ZNF236: variants seen among roughly 807,000 people sequenced by gnomAD.
The protein encoded by ZNF236 is zinc finger protein 236, also known as regulated by glucose.
A neutral mutation model predicts 191.2 loss-of-function variants in ZNF236; 50 were observed. The observed-to-expected ratio is 0.26, with a 90% CI of 0.21 to 0.33. The LOEUF is 0.33. Ranked by LOEUF, ZNF236 falls within the 10% of genes least tolerant of loss-of-function variation. The probability of loss-of-function intolerance (pLI) is 1.00; values close to 1 mark genes in which losing one functional copy is unlikely to be tolerated. For synonymous variants in ZNF236, 907 were observed against 928.8 expected (o/e 0.98, Z 0.43); for missense variants, 1,754 against 2,374.5 (o/e 0.74, Z 5.43).
At chr18:76,860,789 G>C (rs1976196961) in intron 3 of ZNF236, among the ~76,000 whole-genome samples, 1 of 152,188 alleles carries the variant, frequency 6.6e-6, no homozygotes, top group Admixed American at 6.5e-5. Flanking sequence ...TGAGAAATAT[G>C]TGTTTTCTGA....
intron 14 of ZNF236, 79 bp downstream of exon 14, chr18:76,908,652 T>C: frequency 1.3e-6 from 2 of 1,517,078 alleles, no homozygotes; most frequent in Non-Finnish European, 1.8e-6. Context: ...AGTCCATTGG[T>C]GTCTCCCATC....
At chr18:76,898,938 A>G in intron 10 of ZNF236, 81 bp from the exon 11 acceptor site, 1 of 1,207,096 alleles carries the variant, frequency 8.3e-7, no homozygotes, top group Non-Finnish European at 1.2e-6. Context: ...AGTATTGGAA[A>G]TAATAACATT....
intron 1 of ZNF236, chr18:76,834,711 G>A (rs73485085): frequency 0.021 from 9,261 of 442,920 alleles, 561 homozygotes; most frequent in African/African-American, 0.14. Flanking sequence ...CCTTTATAGT[G>A]TCCTCATACA....
chr18:76,937,241 G>A lies in ZNF236; in HGVS notation c.4680G>A (p.Ser1560=), dbSNP rs769778390. The part of the protein sequence containing the change: ...AISTQNLVMS[S]SGVGGDASVT... ...CGACTCAGAACCTGGTCATGTCCTC[G>A]TCGGGCGTGGGAGGTGACGCTAGTG... Residue 1560 remains serine (S), a synonymous_variant, in exon 26 of 31, where the codon TCG becomes TCA. Coordinates refer to ENST00000320610, the MANE Select transcript of ZNF236 (RefSeq NM_001306089.2). The A allele has an allele frequency of 5.0e-6, 8 of 1,614,002 alleles. No homozygotes were observed. Among genetic ancestry groups the A allele is most frequent in the South Asian group, 3.3e-5 (3 of 91,090 alleles).
chr18:76,957,758 CAT>C (rs1204095390), intron 28 of ZNF236, among the ~76,000 whole-genome samples: 1 of 152,138 alleles, frequency 6.6e-6, no homozygotes, highest in Admixed American at 6.5e-5. Context: ...TCAGTGAGAA[CAT>C]GTGGTATTTG....
chr18:76,838,385 C>T (rs1975393664), intron 1 of ZNF236, among the ~76,000 whole-genome samples: 1 of 152,208 alleles, frequency 6.6e-6, no homozygotes, highest in South Asian at 2.1e-4. Flanking sequence ...ATGCCTTTAT[C>T]TCTCAGAGAC....
chr18:76,954,835 G>A (rs904036193), intron 27 of ZNF236, among the ~76,000 whole-genome samples: 3 of 152,190 alleles, frequency 2.0e-5, no homozygotes, highest in African/African-American at 7.2e-5. Context: ...ATCTCACGAG[G>A]CTGCAATGTC....
intron 26 of ZNF236, among the ~76,000 whole-genome samples, chr18:76,943,143 GAA>G (rs998663991): frequency 1.8e-4 from 20 of 110,248 alleles, no homozygotes; most frequent in East Asian, 5.2e-4. Context: ...AAAAAAAAAA[GAA>G]GAGCAAATTT....
chr18:76,960,625 A>G lies in ZNF236; in HGVS notation c.5243-54A>G. The stretch of plus-strand genomic sequence containing the variant: ...TTGTTCATACCTCAGGGTAGAGCCC[A>G]GGCATCCACTATACTTTTCTTAGAG... On this transcript the variant is annotated intron_variant, in intron 29 of 30. Coordinates refer to ENST00000320610, the MANE Select transcript of ZNF236 (RefSeq NM_001306089.2). This position sits in a 1 kb window ranked among gnomAD's most constrained non-coding sequence, Gnocchi z 4.4. 6.2e-7 allele frequency: 1 copy of G among 1,601,466 alleles called. No individual in the cohort carries two copies. Among genetic ancestry groups the G allele is most frequent in the Non-Finnish European group, 8.6e-7 (1 of 1,169,292 alleles).
chr18:76,925,133 G>A lies in ZNF236; in HGVS notation c.3662-56G>A. The A allele has an allele frequency of 6.3e-7, 1 of 1,577,396 alleles. No homozygotes were observed. The highest frequency in any genetic ancestry group is 8.6e-7 in the Non-Finnish European group (1 of 1,161,088). Reference sequence around the variant, plus strand: ...CCATAGTGACAGCTGAGTGGGGTGGGGGTGAGTGTCGCGACTGCCATCGCC... The same window carrying A: ...CCATAGTGACAGCTGAGTGGGGTGGAGGTGAGTGTCGCGACTGCCATCGCC... On this transcript the variant is annotated intron_variant, in intron 21 of 30. Transcript: ENST00000320610. The surrounding 1 kb of genome is among the most constrained non-coding windows in gnomAD (Gnocchi z 5.7).
chr18:76,847,633 T>C (rs1568193155), intron 1 of ZNF236, among the ~76,000 whole-genome samples: 1 of 151,980 alleles, frequency 6.6e-6, no homozygotes, highest in Non-Finnish European at 1.5e-5. Flanking sequence ...GCCCGGCTGA[T>C]TTTTTCTGTG....
intron 1 of ZNF236, among the ~76,000 whole-genome samples, chr18:76,822,959 G>T (rs1974902441): frequency 6.8e-6 from 1 of 147,372 alleles, no homozygotes; most frequent in Admixed American, 6.7e-5. Flanking sequence ...TCCTGCGCGC[G>T]CCCTGCCCCC....
intron 6 of ZNF236, among the ~76,000 whole-genome samples, chr18:76,877,315 C>T (rs187893310): frequency 1.3e-5 from 2 of 152,082 alleles, no homozygotes; most frequent in East Asian, 3.9e-4. Context: ...TCGAGACCAG[C>T]CTGGCCAACA....
At chr18:76,826,887 A>G (rs1431389824) in intron 1 of ZNF236, among the ~76,000 whole-genome samples, 1 of 150,862 alleles carries the variant, frequency 6.6e-6, no homozygotes, top group Non-Finnish European at 1.5e-5. Context: ...TTCAACAACT[A>G]TTTTTTTGTT....
chr18:76,845,237 T>C (rs1016977716), intron 1 of ZNF236, among the ~76,000 whole-genome samples: 2 of 152,200 alleles, frequency 1.3e-5, no homozygotes, highest in African/African-American at 2.4e-5. Context: ...GGGTGAATAA[T>C]TAAAGCAAAC....
intron 12 of ZNF236, 29 bp downstream of exon 12, chr18:76,904,550 T>C: frequency 1.3e-6 from 2 of 1,553,524 alleles, no homozygotes; most frequent in Non-Finnish European, 1.7e-6. Flanking sequence ...AGATGGAAAT[T>C]TAGTATAATT....
At chr18:76,892,590 G>A (rs533696992) in intron 9 of ZNF236, among the ~76,000 whole-genome samples, 5 of 152,008 alleles carry the variant, frequency 3.3e-5, no homozygotes, top group East Asian at 3.9e-4. Flanking sequence ...TTATTGAGAT[G>A]GAATTTCGCT....
chr18:76,838,698 A>C (rs1975402852), intron 1 of ZNF236, among the ~76,000 whole-genome samples: 1 of 152,250 alleles, frequency 6.6e-6, no homozygotes, highest in Non-Finnish European at 1.5e-5. Flanking sequence ...AGAGAAAAGA[A>C]AGTTATGTAT....
rs1163122341 is a variant in ZNF236, at chr18:76,960,672, T to C, written c.5243-7T>C. 3.7e-6 allele frequency: 6 copies of C among 1,614,104 alleles called. No homozygotes were observed. Among genetic ancestry groups the C allele is most frequent in the Non-Finnish European group, 5.1e-6 (6 of 1,180,050 alleles). ...AGAGACATTGACATATGCCATTTTC[T>C]GTACAGGGGAGCGGCCGTTCCATTG... is the stretch of plus-strand genomic sequence containing the variant. On this transcript the variant is annotated splice_region_variant and splice_polypyrimidine_tract_variant and intron_variant, in intron 29 of 30. Transcript: ENST00000320610. This position sits in a 1 kb window ranked among gnomAD's most constrained non-coding sequence, Gnocchi z 4.4.
Sources: allele counts gnomAD v4.1 joint callset (sites outside exome capture counted in the v4.1 genomes callset), GRCh38; gene constraint gnomAD v4.1.1; non-coding constraint Gnocchi (gnomAD v3.1); transcripts MANE v1.5; gene names NCBI Gene and HGNC (gene_info 2026-07-23, HGNC 2026-07-21).